SPATA3: variants seen among roughly 807,000 people sequenced by gnomAD.
SPATA3 encodes spermatogenesis associated 3, also known as spermatogenesis-associated protein 3.
SPATA3 carries 6 observed loss-of-function variants against 5.7 expected under a neutral mutation model. The ratio of observed to expected loss-of-function variants is 1.06; its 90% CI spans 0.58 to 2.09. The LOEUF (loss-of-function observed/expected upper bound fraction) is 2.09, where lower values mean the gene tolerates loss of function less well. Among genes scored for constraint, SPATA3 ranks in the 30% most tolerant of loss-of-function variants. The pLI is 0.00. For synonymous variants in SPATA3, 44 were observed against 48.4 expected (o/e 0.91, Z 0.37); for missense variants, 155 against 130.4 (o/e 1.19, Z -0.92).
At chr2:231,010,174 T>C (rs1318947477), downstream of SPATA3, among the ~76,000 whole-genome samples, 3 of 152,182 alleles carry the variant, frequency 2.0e-5, no homozygotes, top group South Asian at 2.1e-4. Flanking sequence ...ATGAGGCAAA[T>C]TGATTAATAG....
At chr2:230,999,327 G>A (rs1472123328) in intron 1 of SPATA3, among the ~76,000 whole-genome samples, 1 of 152,090 alleles carries the variant, frequency 6.6e-6, no homozygotes, top group Non-Finnish European at 1.5e-5. Flanking sequence ...ACAAAACTTT[G>A]TGAATATACT....
At chr2:231,016,786 C>T (rs1692949576) in intron 6 of SPATA3, among the ~76,000 whole-genome samples, 1 of 152,180 alleles carries the variant, frequency 6.6e-6, no homozygotes, top group African/African-American at 2.4e-5. Flanking sequence ...TGGAGGCTTC[C>T]CCTGGAGGAG....
At chr2:231,002,896 AGGGAAGCTTGCCAGT>A, downstream of SPATA3, 2 of 690,322 alleles carry the variant, frequency 2.9e-6, no homozygotes, top group South Asian at 4.1e-5. Flanking sequence ...CGGCCTCTCA[AGGGAAGCTTGCCAGT>A]GGAGTGACTC....
chr2:230,998,734 T>G (rs1692229772), intron 1 of SPATA3, among the ~76,000 whole-genome samples: 1 of 152,154 alleles, frequency 6.6e-6, no homozygotes, highest in Non-Finnish European at 1.5e-5. Flanking sequence ...TAACAAGTGT[T>G]GGTGAGGATG....
chr2:231,008,999 C>T (rs1219873338), downstream of SPATA3, among the ~76,000 whole-genome samples: 2 of 151,864 alleles, frequency 1.3e-5, no homozygotes, highest in African/African-American at 2.4e-5. Context: ...GTCCTGTGTC[C>T]CTCCTGGTAC....
intron 1 of SPATA3, among the ~76,000 whole-genome samples, chr2:230,998,752 G>C (rs1692230411): frequency 6.6e-6 from 1 of 152,208 alleles, no homozygotes; most frequent in Admixed American, 6.5e-5. Flanking sequence ...ATGTAGAGAA[G>C]CTGGAATCCT....
chr2:231,015,832 A>G (rs970198482), intron 6 of SPATA3, among the ~76,000 whole-genome samples: 2 of 152,238 alleles, frequency 1.3e-5, no homozygotes, highest in African/African-American at 2.4e-5. Context: ...CTGAAAATGC[A>G]AATGTCTCAG....
chr2:230,998,138 C>A (rs1241960183), intron 1 of SPATA3, among the ~76,000 whole-genome samples: 5 of 152,186 alleles, frequency 3.3e-5, no homozygotes, highest in Non-Finnish European at 2.9e-5. Flanking sequence ...CCAGTGCCCA[C>A]GACTCCATAG....
chr2:231,000,337 C>G (rs1692299375), intron 1 of SPATA3, 29 bp from the exon 2 acceptor site: 1 of 1,434,256 alleles, frequency 7.0e-7, no homozygotes, highest in Non-Finnish European at 9.2e-7. Flanking sequence ...GCAGGTGCCT[C>G]CCTCACCTCT....
chr2:231,001,631 C>T (rs570155979), intron 2 of SPATA3, among the ~76,000 whole-genome samples: 4 of 152,320 alleles, frequency 2.6e-5, no homozygotes, highest in South Asian at 4.1e-4. Context: ...TTAGTACTTC[C>T]ATCCATCCAT....
intron 6 of SPATA3, among the ~76,000 whole-genome samples, chr2:231,018,431 A>C (rs909742025): frequency 6.7e-5 from 10 of 148,880 alleles, no homozygotes; most frequent in African/African-American, 2.5e-4. Context: ...GAGATGCTCC[A>C]AGTCTCTCTT....
At position 231,019,191 on chromosome 2, in the gene SPATA3, G is replaced by C. The variant is rs78450704; in HGVS notation, c.*566-529G>C. Among the ~76,000 whole-genome samples, 270 of 150,760 alleles carry C rather than the reference G, an allele frequency of 1.8e-3. 8 individuals carry two copies. The East Asian group carries it at 0.045, about 25-fold the overall frequency. On this transcript the variant is annotated intron_variant, in intron 6 of 8. Coordinates refer to the SPATA3 transcript ENST00000452881. ...TCACCATGTTAGCCAGGATGGTCTC[G>C]ATCTCCCGACCTTGTGATCCGCCCA...
chr2:231,005,485 C>T (rs1454493066), downstream of SPATA3, among the ~76,000 whole-genome samples: 1 of 132,528 alleles, frequency 7.5e-6, no homozygotes, highest in African/African-American at 2.8e-5. Context: ...TCACCACCAC[C>T]ACCATCACCA....
downstream of SPATA3, among the ~76,000 whole-genome samples, chr2:231,009,029 A>C (rs2125117346): frequency 6.6e-6 from 1 of 151,664 alleles, no homozygotes; most frequent in East Asian, 2.0e-4. Context: ...TGCCCAGGAA[A>C]ATGCAGGGGG....
In SPATA3 at chr2:230,996,535, G is replaced by T; in HGVS notation, c.791-3831G>T. 6.4e-7 allele frequency: 1 copy of T among 1,551,536 alleles called. No homozygotes were observed. The highest frequency in any genetic ancestry group is 8.7e-7 in the Non-Finnish European group (1 of 1,146,856). On this transcript the variant is annotated intron_variant, in intron 1 of 2. Coordinates refer to ENST00000645363, the Ensembl canonical transcript of SPATA3. ...GCAGCCCCTCAATCCAGGAAAGCAG[G>T]TGGGCTGTCTTCTAGCTTCAGCAGT... is the stretch of plus-strand genomic sequence containing the variant.
downstream of SPATA3, among the ~76,000 whole-genome samples, chr2:231,011,311 C>T (rs1328908181): frequency 1.3e-5 from 2 of 152,048 alleles, no homozygotes; most frequent in Non-Finnish European, 2.9e-5. Context: ...GACGGGGTTT[C>T]ACCATTTTGG....
At chr2:231,001,166 C>A (rs1368674649) in intron 2 of SPATA3, among the ~76,000 whole-genome samples, 1 of 152,156 alleles carries the variant, frequency 6.6e-6, no homozygotes, top group South Asian at 2.1e-4. Context: ...CTTCCTTCCT[C>A]TTCCCAAAAA....
chr2:231,015,257 C>CTTTTTTTTTT (rs35102459), intron 6 of SPATA3, among the ~76,000 whole-genome samples: 2 of 94,130 alleles, frequency 2.1e-5, no homozygotes, highest in Non-Finnish European at 1.9e-5. Context: ...ATCGTTTTGG[C>CTTTTTTTTTT]TTTTTTTTTT....
chr2:231,009,875 TCA>T (rs1169560648), downstream of SPATA3, among the ~76,000 whole-genome samples: 3 of 152,256 alleles, frequency 2.0e-5, no homozygotes, highest in Non-Finnish European at 4.4e-5. Flanking sequence ...GCCATTGTAT[TCA>T]GAGTGTGGTA....
Sources: allele counts gnomAD v4.1 joint callset (sites outside exome capture counted in the v4.1 genomes callset), GRCh38; gene constraint gnomAD v4.1.1; transcripts MANE v1.5; gene names NCBI Gene and HGNC (gene_info 2026-07-23, HGNC 2026-07-21).